The following KIF1A variants were observed in gnomAD, a reference collection of about 807,000 sequenced individuals.
KIF1A encodes kinesin-like protein KIF1A.
A neutral mutation model predicts 227.3 loss-of-function variants in KIF1A; 46 were observed. That is an observed-to-expected ratio of 0.20 (90% confidence interval 0.16 to 0.26). The LOEUF (loss-of-function observed/expected upper bound fraction) is 0.26, where lower values mean the gene tolerates loss of function less well. Ranked by LOEUF, KIF1A falls within the 10% of genes least tolerant of loss-of-function variation. KIF1A has a pLI of 1.00. For missense variants in KIF1A, 1,683 were observed against 2,485.9 expected (o/e 0.68, Z 6.87); for synonymous variants, 1,022 against 1,012.8 (o/e 1.01, Z -0.17).
intron 34 of KIF1A, among the ~76,000 whole-genome samples, chr2:240,742,173 G>A (rs575809172): frequency 6.6e-6 from 1 of 152,308 alleles, no homozygotes; most frequent in African/African-American, 2.4e-5. Flanking sequence ...CCGAGGACAG[G>A]GTCCTTGCAA....
At chr2:240,791,543 G>A (rs969129526) in intron 2 of KIF1A, among the ~76,000 whole-genome samples, 4 of 115,614 alleles carry the variant, frequency 3.5e-5, no homozygotes, top group South Asian at 3.8e-4. Context: ...GCCTCACCCC[G>A]CTGCACTCAG....
intron 1 of KIF1A, among the ~76,000 whole-genome samples, chr2:240,802,552 C>G (rs942418950): frequency 1.3e-5 from 2 of 152,178 alleles, no homozygotes; most frequent in African/African-American, 4.8e-5. Context: ...TACAAAGACA[C>G]AGAGAGGCTG....
intron 27 of KIF1A, among the ~76,000 whole-genome samples, chr2:240,751,291 C>A (rs187023235): frequency 6.6e-6 from 1 of 152,156 alleles, no homozygotes; most frequent in Non-Finnish European, 1.5e-5. Context: ...GAAGACCCCA[C>A]GCCACACAGC....
intron 33 of KIF1A, among the ~76,000 whole-genome samples, chr2:240,743,462 T>C (rs1238776702): frequency 6.6e-6 from 1 of 152,074 alleles, no homozygotes; most frequent in Non-Finnish European, 1.5e-5. Flanking sequence ...AGGGTCTGGG[T>C]GAGATGGCCT....
chr2:240,816,018 G>T (rs183549713), intron 1 of KIF1A, among the ~76,000 whole-genome samples: 205 of 152,264 alleles, frequency 1.3e-3, no homozygotes, highest in African/African-American at 4.6e-3. Flanking sequence ...GCCAATCTGA[G>T]GGGTAGGGGT....
chr2:240,741,244 T>C, intron 35 of KIF1A, 25 bp downstream of exon 35: 2 of 1,530,122 alleles, frequency 1.3e-6, no homozygotes, highest in Non-Finnish European at 1.8e-6. Context: ...ACTCACGCCC[T>C]GGGGGCCCCA....
chr2:240,794,046 A>G (rs999975343), intron 2 of KIF1A, among the ~76,000 whole-genome samples: 2 of 152,116 alleles, frequency 1.3e-5, no homozygotes, highest in Non-Finnish European at 2.9e-5. Flanking sequence ...GTGGACATCC[A>G]CCCGCACCCT....
intron 1 of KIF1A, among the ~76,000 whole-genome samples, chr2:240,819,409 G>A (rs2058559514): frequency 6.6e-6 from 1 of 152,152 alleles, no homozygotes; most frequent in South Asian, 2.1e-4. Flanking sequence ...CCTCCCAGGT[G>A]CTGGGTCTTT....
At chr2:240,761,663 G>A (rs1453304668) in intron 23 of KIF1A, among the ~76,000 whole-genome samples, 1 of 152,084 alleles carries the variant, frequency 6.6e-6, no homozygotes, top group Non-Finnish European at 1.5e-5. Context: ...CCCCCACCCC[G>A]TTTCACACTA....
intron 1 of KIF1A, among the ~76,000 whole-genome samples, chr2:240,810,727 A>G (rs10933637): frequency 0.84 from 127,873 of 152,164 alleles, 53,915 homozygotes; most frequent in East Asian, 0.92. Context: ...CCACAGACTC[A>G]GGGCAGACGA....
chr2:240,723,696 G>A (rs972534733), intron 41 of KIF1A, 138 bp from the exon 42 acceptor site: 59 of 1,079,328 alleles, frequency 5.5e-5, no homozygotes, highest in African/African-American at 1.6e-5. Context: ...GGTCCACCCT[G>A]GGGCCCAAAG....
At chr2:240,762,209 T>C (rs2050616102) in intron 23 of KIF1A, among the ~76,000 whole-genome samples, 1 of 152,244 alleles carries the variant, frequency 6.6e-6, no homozygotes, top group South Asian at 2.1e-4. Flanking sequence ...CCTCCCCACC[T>C]GCATGTGGGC....
intron 28 of KIF1A, 64 bp downstream of exon 28, chr2:240,750,365 C>A (rs989178889): frequency 3.8e-5 from 49 of 1,273,646 alleles, no homozygotes; most frequent in Non-Finnish European, 4.6e-5. Context: ...ACGCCTCTGC[C>A]TGCAAAGGTC....
In KIF1A at chr2:240,772,681, C is replaced by G; in HGVS notation, c.1181-85G>C. 5.2e-6 allele frequency: 6 copies of G among 1,155,608 alleles called. No homozygotes were observed. The South Asian group carries it at 5.7e-5, about 11-fold the overall frequency. The allele number at this position is 1,155,608 out of a possible 1,614,324, so 71.6% of individuals were successfully genotyped here. ...TCTCCAGAGGGTCAGGCACGCCTTT[C>G]ACAGGCCAGGGTGGCCAGCAGTGGG... On this transcript the variant is annotated intron_variant, in intron 13 of 48. Coordinates refer to ENST00000498729, the MANE Select transcript of KIF1A (RefSeq NM_001244008.2).
At chr2:240,785,209 A>C in intron 6 of KIF1A, 109 bp from the exon 7 acceptor site, 1 of 897,706 alleles carries the variant, frequency 1.1e-6, no homozygotes. Flanking sequence ...CAGTTCCCCC[A>C]GACCCCAGGG....
intron 48 of KIF1A, among the ~76,000 whole-genome samples, chr2:240,717,681 C>T (rs545618705): frequency 1.3e-5 from 2 of 152,212 alleles, no homozygotes; most frequent in South Asian, 4.1e-4. Flanking sequence ...TTCCCCATGC[C>T]GAGGCCACCG....
chr2:240,731,865 G>C (rs1344061634), intron 38 of KIF1A, among the ~76,000 whole-genome samples: 3 of 145,596 alleles, frequency 2.1e-5, no homozygotes, highest in Non-Finnish European at 4.5e-5. Flanking sequence ...GTCTGCTATG[G>C]GGATTGGGGG....
rs545549919 is a variant in KIF1A at position 240,793,712 on chromosome 2, A to C, written c.106+3935T>G. On this transcript the variant is annotated intron_variant, in intron 2 of 48. Coordinates refer to ENST00000498729, the MANE Select transcript of KIF1A (RefSeq NM_001244008.2). This position sits in a 1 kb window ranked among gnomAD's most constrained non-coding sequence, Gnocchi z 4.8. Reference sequence around the variant, plus strand: ...TTCAAATGAAGAGGATTATTTATGCAGGTGATGATTACGGGATAACAGTTA... The same window carrying C: ...TTCAAATGAAGAGGATTATTTATGCCGGTGATGATTACGGGATAACAGTTA... 1.3e-5 allele frequency among the ~76,000 whole-genome samples: 2 copies of C among 152,364 alleles called. No homozygotes were observed. Among genetic ancestry groups the C allele is most frequent in the East Asian group, 3.9e-4 (2 of 5,182 alleles).
chr2:240,760,595 C>T, intron 25 of KIF1A, 70 bp downstream of exon 25: 1 of 1,273,462 alleles, frequency 7.9e-7, no homozygotes, highest in Non-Finnish European at 1.0e-6. Context: ...GTGCCTACCA[C>T]CGCTCCTGTG....
Sources: gnomAD v4.1 joint callset for allele counts (sites outside exome capture counted in the v4.1 genomes callset) on GRCh38, gnomAD v4.1.1 for gene constraint, Gnocchi (gnomAD v3.1) non-coding constraint, MANE v1.5 for transcripts, NCBI Gene and HGNC (gene_info 2026-07-23, HGNC 2026-07-21) for gene names.